Variants in ZNF804A observed in about 807,000 individuals in gnomAD.
The protein encoded by ZNF804A is zinc finger protein 804A.
A neutral mutation model predicts 16.5 loss-of-function variants in ZNF804A; 2 were observed. The observed-to-expected ratio is 0.12, with a 90% CI of 0.05 to 0.38. The LOEUF (loss-of-function observed/expected upper bound fraction) is 0.38, where lower values mean the gene tolerates loss of function less well. Ranked by LOEUF, ZNF804A falls within the 10% of genes least tolerant of loss-of-function variation. ZNF804A has a pLI of 0.99. For missense variants in ZNF804A, 1,473 were observed against 1,390.7 expected (o/e 1.06, Z -0.94); for synonymous variants, 534 against 489.6 (o/e 1.09, Z -1.20).
At chr2:184,869,660 A>G (rs781343896) in intron 2 of ZNF804A, among the ~76,000 whole-genome samples, 11 of 152,032 alleles carry the variant, frequency 7.2e-5, no homozygotes, top group Non-Finnish European at 1.6e-4. Context: ...GGACACTGAC[A>G]GTTTGCCTTT....
intron 1 of ZNF804A, among the ~76,000 whole-genome samples, chr2:184,784,469 C>A (rs10497660): frequency 0.05 from 7,635 of 151,956 alleles, 251 homozygotes; most frequent in Middle Eastern, 0.078. Context: ...TGCAATCTCT[C>A]AAAAGGTTTT....
At chr2:184,841,629 G>T (rs1025792800) in intron 1 of ZNF804A, among the ~76,000 whole-genome samples, 7 of 151,956 alleles carry the variant, frequency 4.6e-5, no homozygotes, top group Non-Finnish European at 8.8e-5. Context: ...AAATACACTG[G>T]CTGACCAGTA....
intron 2 of ZNF804A, among the ~76,000 whole-genome samples, chr2:184,890,954 T>A (rs1684971304): frequency 6.6e-6 from 1 of 151,968 alleles, no homozygotes. Flanking sequence ...ATGTTGCACA[T>A]AAACGCAGAT....
chr2:184,630,995 G>T (rs991044147), intron 1 of ZNF804A, among the ~76,000 whole-genome samples: 1 of 152,028 alleles, frequency 6.6e-6, no homozygotes, highest in Non-Finnish European at 1.5e-5. Context: ...TATATTTTTG[G>T]TCTGTGAAAA....
chr2:184,845,710 CTCTT>C (rs1695501338), intron 1 of ZNF804A, among the ~76,000 whole-genome samples: 1 of 152,110 alleles, frequency 6.6e-6, no homozygotes, highest in South Asian at 2.1e-4. Context: ...ACATGAGAGA[CTCTT>C]TCTCAGATCA....
At chr2:184,724,411 C>T (rs1471841113) in intron 1 of ZNF804A, among the ~76,000 whole-genome samples, 1 of 151,448 alleles carries the variant, frequency 6.6e-6, no homozygotes, top group Non-Finnish European at 1.5e-5. Flanking sequence ...ATAGGAAGCA[C>T]AAAGAGAACA....
rs1326814175 is a variant in ZNF804A at position 184,599,077 on chromosome 2, G to C, written c.111+7G>C. 1.9e-6 allele frequency: 3 copies of C among 1,587,072 alleles called. No individual in the cohort carries two copies. The Admixed American group carries it at 5.1e-5, about 27-fold the overall frequency. On this transcript the variant is annotated splice_region_variant and intron_variant, in intron 1 of 3. Coordinates refer to ENST00000302277, the MANE Select transcript of ZNF804A (RefSeq NM_194250.2). ...GAACGGGAACAAAACTCTGGTAATCGCTTCTGTTTTCCTCTCTCTCTCTCT... is the reference window on the plus strand; with the variant it reads ...GAACGGGAACAAAACTCTGGTAATCCCTTCTGTTTTCCTCTCTCTCTCTCT...
intron 1 of ZNF804A, among the ~76,000 whole-genome samples, chr2:184,828,630 A>G (rs777482749): frequency 3.3e-5 from 5 of 151,602 alleles, no homozygotes; most frequent in Admixed American, 6.6e-5. Flanking sequence ...TAGGTACTGT[A>G]TTTCAATGCT....
intron 1 of ZNF804A, among the ~76,000 whole-genome samples, chr2:184,765,563 G>C (rs1403686294): frequency 7.1e-6 from 1 of 140,562 alleles, no homozygotes; most frequent in Admixed American, 7.6e-5. Flanking sequence ...CCCCAGTCAC[G>C]TAACCCCTGC....
intron 1 of ZNF804A, among the ~76,000 whole-genome samples, chr2:184,669,852 A>C (rs1692316326): frequency 2.0e-5 from 3 of 151,946 alleles, no homozygotes; most frequent in African/African-American, 7.3e-5. Context: ...TTATTTTTAT[A>C]CTTGAGTTAA....
At chr2:184,873,666 T>C (rs145901460) in intron 2 of ZNF804A, among the ~76,000 whole-genome samples, 2 of 152,154 alleles carry the variant, frequency 1.3e-5, no homozygotes, top group Non-Finnish European at 2.9e-5. Flanking sequence ...ATTGTAGAAA[T>C]ATGAACACAT....
chr2:184,834,936 G>A (rs1050117021), intron 1 of ZNF804A, among the ~76,000 whole-genome samples: 5 of 152,104 alleles, frequency 3.3e-5, no homozygotes, highest in African/African-American at 1.2e-4. Context: ...AGTTATGAAT[G>A]TTGAATTATG....
chr2:184,802,814 A>C (rs1412854871), intron 1 of ZNF804A, among the ~76,000 whole-genome samples: 1 of 152,188 alleles, frequency 6.6e-6, no homozygotes, highest in Non-Finnish European at 1.5e-5. Context: ...CTTCCAAATA[A>C]ATTACATTTC....
chr2:184,841,970 A>C (rs1695442723), intron 1 of ZNF804A, among the ~76,000 whole-genome samples: 1 of 152,160 alleles, frequency 6.6e-6, no homozygotes, highest in Non-Finnish European at 1.5e-5. Context: ...AATGGGGCTA[A>C]TAATATTTGT....
At chr2:184,849,671 T>G (rs769781625) in intron 1 of ZNF804A, among the ~76,000 whole-genome samples, 7 of 152,010 alleles carry the variant, frequency 4.6e-5, no homozygotes, top group Non-Finnish European at 8.8e-5. Context: ...TGGAGGATAG[T>G]ATTGAAGTGC....
intron 1 of ZNF804A, among the ~76,000 whole-genome samples, chr2:184,840,000 C>A (rs1688537969): frequency 6.6e-6 from 1 of 152,074 alleles, no homozygotes; most frequent in African/African-American, 2.4e-5. Flanking sequence ...GCTAATTCAT[C>A]CTAATAAGAA....
At position 184,938,312 on chromosome 2, in the gene ZNF804A, T is replaced by C. The variant is rs747824218; in HGVS notation, c.2916T>C (p.His972=). The C allele has an allele frequency of 5.6e-6, 9 of 1,614,026 alleles. No individual in the cohort carries two copies. The highest frequency in any genetic ancestry group is 1.3e-5 in the African/African-American group (1 of 74,928). The change falls in exon 4 of 4, where the codon CAT becomes CAC. Residue 972 remains histidine, a synonymous_variant. Transcript: ENST00000302277. ...RQSQPKSYLC[H]YELAEALPQG... Reference sequence around the variant, plus strand: ...CACAGCCTAAATCCTATCTTTGCCATTATGAACTGGCTGAGGCCCTTCCAC... The same window carrying C: ...CACAGCCTAAATCCTATCTTTGCCACTATGAACTGGCTGAGGCCCTTCCAC...
intron 1 of ZNF804A, among the ~76,000 whole-genome samples, chr2:184,752,192 CAGCAG>C: frequency 6.6e-6 from 1 of 151,652 alleles, no homozygotes; most frequent in African/African-American, 2.4e-5. Flanking sequence ...ATGTTCATTG[CAGCAG>C]TATTCACAAT....
intron 1 of ZNF804A, among the ~76,000 whole-genome samples, chr2:184,836,092 G>C (rs1449567345): frequency 6.6e-6 from 1 of 152,042 alleles, no homozygotes; most frequent in East Asian, 1.9e-4. Context: ...CTATAAATGA[G>C]AATTAATAAT....
Sources: allele counts gnomAD v4.1 joint callset (sites outside exome capture counted in the v4.1 genomes callset), GRCh38; gene constraint gnomAD v4.1.1; transcripts MANE v1.5; gene names NCBI Gene and HGNC (gene_info 2026-07-23, HGNC 2026-07-21).